The following MMRN1 variants were observed in gnomAD, a reference collection of about 807,000 sequenced individuals.
MMRN1 encodes multimerin-1.
In MMRN1, 94 loss-of-function variants were observed where a neutral mutation model predicts 100.7. That is an observed-to-expected ratio of 0.93 (90% CI 0.79 to 1.11). The LOEUF (loss-of-function observed/expected upper bound fraction) is 1.11. MMRN1 is among the 50% of genes least tolerant of loss of function. The probability of loss-of-function intolerance (pLI) is 0.00; values close to 1 mark genes in which losing one functional copy is unlikely to be tolerated. For synonymous variants in MMRN1, 575 were observed against 505.0 expected (o/e 1.14, Z -1.86); for missense variants, 1,606 against 1,439.1 (o/e 1.12, Z -1.88).
At chr4:89,907,332 G>T (rs1252330206) in intron 1 of MMRN1, among the ~76,000 whole-genome samples, 2 of 151,440 alleles carry the variant, frequency 1.3e-5, no homozygotes, top group African/African-American at 2.4e-5. Context: ...AACACAATAA[G>T]TTCTGTAGAG....
Position 89,899,908 on chromosome 4 carries a change from A to G in MMRN1, c.623+4314A>G, listed in dbSNP as rs76293772. On this transcript the variant is annotated intron_variant, in intron 1 of 7. Coordinates refer to ENST00000264790, the MANE Select transcript of MMRN1 (RefSeq NM_007351.3). ...CCACTCTTGTCTACCATAATCCATGATCCACAAAAGGGAGGGATCTTTTGA... is the reference window on the plus strand; with the variant it reads ...CCACTCTTGTCTACCATAATCCATGGTCCACAAAAGGGAGGGATCTTTTGA... Among the ~76,000 whole-genome samples the G allele has an allele frequency of 2.5e-3, 384 of 152,096 alleles. 4 individuals are homozygous for G. The highest frequency in any genetic ancestry group is 8.5e-3 in the African/African-American group (354 of 41,516).
At chr4:89,941,782 G>T (rs559410772) in intron 6 of MMRN1, among the ~76,000 whole-genome samples, 1 of 152,252 alleles carries the variant, frequency 6.6e-6, no homozygotes, top group East Asian at 1.9e-4. Flanking sequence ...TTATCTTAAA[G>T]ATATTCTTCA....
chr4:89,920,511 G>A (rs1049763483), intron 3 of MMRN1, among the ~76,000 whole-genome samples: 1 of 151,992 alleles, frequency 6.6e-6, no homozygotes, highest in Non-Finnish European at 1.5e-5. Flanking sequence ...AGCTGTGAAA[G>A]GTACCTTCCA....
chr4:89,909,667 C>A (rs1424980275), intron 2 of MMRN1, among the ~76,000 whole-genome samples: 1 of 151,430 alleles, frequency 6.6e-6, no homozygotes, highest in East Asian at 1.9e-4. Flanking sequence ...ATGCTTATTT[C>A]TATTTTTACT....
At chr4:89,916,085 T>C (rs1436913276) in intron 3 of MMRN1, among the ~76,000 whole-genome samples, 1 of 151,698 alleles carries the variant, frequency 6.6e-6, no homozygotes, top group African/African-American at 2.4e-5. Context: ...CTGTCAGAGA[T>C]CCTATCAGCT....
intron 1 of MMRN1, among the ~76,000 whole-genome samples, chr4:89,901,000 CA>C (rs1426252701): frequency 2.0e-5 from 3 of 151,732 alleles, no homozygotes; most frequent in Non-Finnish European, 4.4e-5. Context: ...AAGTGATCAA[CA>C]GTGTGAAATG....
intron 1 of MMRN1, among the ~76,000 whole-genome samples, chr4:89,882,364 G>GA (rs1720839578): frequency 1.3e-5 from 2 of 151,050 alleles, no homozygotes; most frequent in Admixed American, 6.6e-5. Context: ...AATAAAATTA[G>GA]AAAAAATCTT....
At position 89,936,440 on chromosome 4, in the gene MMRN1, T is replaced by C. The variant is rs1348529990; in HGVS notation, c.2760T>C (p.Leu920=). ...SIHLSINFFS[L]NKTLHEVLTM... Reference sequence around the variant, plus strand: ...ATCTTTCAATTAACTTCTTTTCGCTTAACAAAACTCTCCACGAAGTTTTAA... The same window carrying C: ...ATCTTTCAATTAACTTCTTTTCGCTCAACAAAACTCTCCACGAAGTTTTAA... Residue 920 remains leucine (L), a synonymous_variant, in exon 6 of 8, where the codon CTT becomes CTC. Transcript: ENST00000264790. 1.9e-6 allele frequency: 3 copies of C among 1,610,766 alleles called. No individual in the cohort carries two copies. The highest frequency in any genetic ancestry group is 2.5e-6 in the Non-Finnish European group (3 of 1,179,054).
At chr4:89,914,502 A>G (rs2110602344) in intron 3 of MMRN1, among the ~76,000 whole-genome samples, 1 of 151,568 alleles carries the variant, frequency 6.6e-6, no homozygotes, top group Middle Eastern at 3.4e-3. Context: ...AAGGAAACCA[A>G]TTTTTAAAAA....
At chr4:89,895,627 C>G in intron 1 of MMRN1, 33 bp downstream of exon 1, 1 of 1,587,094 alleles carries the variant, frequency 6.3e-7, no homozygotes, top group South Asian at 1.1e-5. Context: ...TGTTCTTTCT[C>G]TGTCTATCAG....
At chr4:89,920,515 C>A (rs1365433560) in intron 3 of MMRN1, among the ~76,000 whole-genome samples, 1 of 152,136 alleles carries the variant, frequency 6.6e-6, no homozygotes. Flanking sequence ...GTGAAAGGTA[C>A]CTTCCACCCC....
In MMRN1 at chr4:89,936,003, T is replaced by C. The variant is rs1722619158; in HGVS notation, c.2323T>C (p.Phe775Leu). Residue 775 changes from phenylalanine (F) to leucine (L), a missense_variant, in exon 6 of 8, where the codon TTT becomes CTT. Transcript: ENST00000264790. ...CTSDMETILT[F>L]IPQFHRLNDS... Reference sequence around the variant, plus strand: ...CTCCGATATGGAAACTATTTTGACATTTATTCCTCAGTTCCACCGTCTGAA... The same window carrying C: ...CTCCGATATGGAAACTATTTTGACACTTATTCCTCAGTTCCACCGTCTGAA... The C allele has an allele frequency of 1.2e-6, 2 of 1,613,300 alleles. No homozygotes were observed. The highest frequency in any genetic ancestry group is 1.1e-5 in the South Asian group (1 of 91,008).
At chr4:89,915,440 C>A (rs1368913739) in intron 3 of MMRN1, among the ~76,000 whole-genome samples, 1 of 151,580 alleles carries the variant, frequency 6.6e-6, no homozygotes, top group Non-Finnish European at 1.5e-5. Context: ...GAGGGATCAG[C>A]TGGAAATCTG....
At chr4:89,923,357 T>C in intron 4 of MMRN1, 85 bp downstream of exon 4, 1 of 1,172,322 alleles carries the variant, frequency 8.5e-7, no homozygotes, top group Non-Finnish European at 1.3e-6. Context: ...ATCTCTTAGT[T>C]GTCAAATGAT....
chr4:89,936,210 T>C lies in MMRN1; in HGVS notation c.2530T>C (p.Leu844=), dbSNP rs562429957. The C allele has an allele frequency of 1.1e-4, 178 of 1,605,624 alleles. 2 individuals carry two copies. In the South Asian group the frequency reaches 1.9e-3, roughly 17 times the overall value. ...VRKYQQNMSH[L]EEKLLLTTKI... ...AAAATACCAGCAAAATATGAGTCAT[T>C]TGGAAGAAAAACTACTCTTAACTAC... Residue 844 remains leucine, a synonymous_variant, in exon 6 of 8, where the codon TTG becomes CTG. Transcript: ENST00000264790.
intron 3 of MMRN1, among the ~76,000 whole-genome samples, 198 bp downstream of exon 3, chr4:89,912,248 C>A (rs1470327461): frequency 6.6e-6 from 1 of 151,120 alleles, no homozygotes; most frequent in African/African-American, 2.4e-5. Context: ...TTAACTTCTC[C>A]CCCCATTTTT....
At chr4:89,931,996 C>T (rs1722455526) in intron 5 of MMRN1, among the ~76,000 whole-genome samples, 1 of 152,160 alleles carries the variant, frequency 6.6e-6, no homozygotes, top group African/African-American at 2.4e-5. Context: ...CAAGAGTCCA[C>T]AGTCTGAAAT....
At chr4:89,952,210 CTG>C (rs1438485203) in intron 7 of MMRN1, among the ~76,000 whole-genome samples, 1 of 152,150 alleles carries the variant, frequency 6.6e-6, no homozygotes. Context: ...ACCATTTTGA[CTG>C]TGTGAGAACT....
chr4:89,884,190 A>G (rs530204898), intron 1 of MMRN1, among the ~76,000 whole-genome samples: 18 of 152,170 alleles, frequency 1.2e-4, no homozygotes, highest in African/African-American at 3.9e-4. Flanking sequence ...TTTAGATCCA[A>G]TGTGTTTCTT....
Sources: allele counts gnomAD v4.1 joint callset (sites outside exome capture counted in the v4.1 genomes callset), GRCh38; gene constraint gnomAD v4.1.1; transcripts MANE v1.5; gene names NCBI Gene and HGNC (gene_info 2026-07-23, HGNC 2026-07-21).